AP1S3: variants seen among roughly 807,000 people sequenced by gnomAD.
AP1S3 encodes adaptor related protein complex 1 subunit sigma 3.
A neutral mutation model predicts 20.9 loss-of-function variants in AP1S3; 10 were observed. The observed-to-expected ratio is 0.48, with a 90% confidence interval of 0.29 to 0.81. AP1S3 has a LOEUF of 0.81. Among genes scored for constraint, AP1S3 ranks in the 30% least tolerant of loss-of-function variants. AP1S3 has a pLI of 0.08. For missense variants in AP1S3, 154 were observed against 183.8 expected (o/e 0.84, Z 0.94); for synonymous variants, 41 against 61.5 (o/e 0.67, Z 1.56).
chr2:223,788,977 T>G (rs1691141817), intron 1 of AP1S3, among the ~76,000 whole-genome samples: 1 of 152,122 alleles, frequency 6.6e-6, no homozygotes, highest in Admixed American at 6.5e-5. Context: ...AGAAAAGACC[T>G]TTAGGTACTA....
At chr2:223,785,009 A>T (rs952481791) in intron 1 of AP1S3, among the ~76,000 whole-genome samples, 1 of 152,192 alleles carries the variant, frequency 6.6e-6, no homozygotes, top group Non-Finnish European at 1.5e-5. Flanking sequence ...GATATTTACT[A>T]AATAGTTTCA....
In AP1S3 at chr2:223,824,851, C is replaced by A. The variant is rs116713292; in HGVS notation, c.3+12597G>T. Among the ~76,000 whole-genome samples the A allele has an allele frequency of 6.2e-3, 951 of 152,250 alleles. 7 individuals are homozygous for A. The highest frequency in any genetic ancestry group is 0.022 in the African/African-American group (902 of 41,556). ...CAACTGGCCTAAAAGGAAGGTATTA[C>A]TATTTTTTTAACTCTAACTTTTTTT... On this transcript the variant is annotated intron_variant, in intron 1 of 4. Coordinates refer to ENST00000396654, the MANE Select transcript of AP1S3 (RefSeq NM_001039569.2).
chr2:223,774,541 T>C lies in AP1S3; in HGVS notation c.291+1360A>G, dbSNP rs191115591. Among the ~76,000 whole-genome samples, 743 of 152,154 alleles carry C rather than the reference T, an allele frequency of 4.9e-3. 2 individuals carry two copies. The highest frequency in any genetic ancestry group is 8.3e-3 in the Non-Finnish European group (565 of 68,006). On this transcript the variant is annotated intron_variant, in intron 3 of 4. Coordinates refer to ENST00000396654, the MANE Select transcript of AP1S3 (RefSeq NM_001039569.2). ...TGGCTGTGAAGGAATGCCACACCTA[T>C]ATCTGGTTTTTTTAAGGAAGATGGT...
intron 1 of AP1S3, among the ~76,000 whole-genome samples, chr2:223,795,180 T>C (rs556422885): frequency 2.0e-5 from 3 of 151,914 alleles, no homozygotes; most frequent in South Asian, 4.2e-4. Flanking sequence ...ACCCAGGAGG[T>C]AGAGGTTGCG....
chr2:223,818,771 C>G (rs936941266), intron 1 of AP1S3, among the ~76,000 whole-genome samples: 1 of 152,136 alleles, frequency 6.6e-6, no homozygotes, highest in Admixed American at 6.5e-5. Flanking sequence ...CCAGGCTGGT[C>G]TCAAACTCCT....
chr2:223,809,988 A>C (rs1381721779), intron 1 of AP1S3, among the ~76,000 whole-genome samples: 5 of 151,806 alleles, frequency 3.3e-5, no homozygotes, highest in African/African-American at 1.2e-4. Context: ...CGGCCTCCCA[A>C]AGTGCTGGGA....
intron 1 of AP1S3, among the ~76,000 whole-genome samples, chr2:223,797,634 C>T (rs1429276942): frequency 6.6e-6 from 1 of 152,044 alleles, no homozygotes; most frequent in Non-Finnish European, 1.5e-5. Flanking sequence ...TGGTTATAGG[C>T]AGGTGCCTAC....
intron 1 of AP1S3, among the ~76,000 whole-genome samples, chr2:223,828,838 T>C (rs939653690): frequency 6.6e-6 from 1 of 151,986 alleles, no homozygotes; most frequent in African/African-American, 2.4e-5. Context: ...GGATCCTACA[T>C]TTTATTTTTA....
At chr2:223,817,532 C>T (rs1050927244) in intron 1 of AP1S3, among the ~76,000 whole-genome samples, 2 of 145,132 alleles carry the variant, frequency 1.4e-5, no homozygotes, top group African/African-American at 5.1e-5. Context: ...TGCTTGAACC[C>T]GGGAGGTGGA....
intron 1 of AP1S3, among the ~76,000 whole-genome samples, chr2:223,834,361 T>G (rs1483349735): frequency 6.6e-6 from 1 of 151,592 alleles, no homozygotes; most frequent in African/African-American, 2.4e-5. Context: ...GAGGACAAGG[T>G]GGGAATATTA....
intron 1 of AP1S3, among the ~76,000 whole-genome samples, chr2:223,806,852 G>A (rs922270214): frequency 6.6e-6 from 1 of 151,916 alleles, no homozygotes; most frequent in African/African-American, 2.4e-5. Context: ...ACATTGCAAT[G>A]GCTCTCCCAG....
intron 3 of AP1S3, among the ~76,000 whole-genome samples, chr2:223,773,942 G>C (rs10933016): frequency 0.051 from 7,791 of 152,286 alleles, 301 homozygotes; most frequent in East Asian, 0.17. Context: ...GTTAAGCGGT[G>C]GGGGGATAAA....
intron 1 of AP1S3, among the ~76,000 whole-genome samples, chr2:223,797,514 C>T (rs1208214342): frequency 1.3e-5 from 2 of 152,164 alleles, no homozygotes; most frequent in East Asian, 3.9e-4. Flanking sequence ...GTAATCCCAG[C>T]ACTTTGGGAG....
At chr2:223,817,501 G>A (rs141107934) in intron 1 of AP1S3, among the ~76,000 whole-genome samples, 2,202 of 149,482 alleles carry the variant, frequency 0.015, 71 homozygotes, top group African/African-American at 0.05. Flanking sequence ...CCAACTACTC[G>A]GGAGGCTGAG....
chr2:223,819,950 GTAACACTTGCTAGA>G (rs1691949493), intron 1 of AP1S3, among the ~76,000 whole-genome samples: 1 of 151,372 alleles, frequency 6.6e-6, no homozygotes, highest in Non-Finnish European at 1.5e-5. Flanking sequence ...AAATCTTAAT[GTAACACTTGCTAGA>G]TTTCGTGTGG....
intron 1 of AP1S3, among the ~76,000 whole-genome samples, chr2:223,830,478 CAAA>C (rs11359575): frequency 2.8e-4 from 32 of 116,142 alleles, no homozygotes; most frequent in Admixed American, 8.8e-4. Context: ...GACTCTCTCT[CAAA>C]AAAAAAAAAA....
At chr2:223,775,324 T>C (rs1690758570) in intron 3 of AP1S3, among the ~76,000 whole-genome samples, 1 of 152,224 alleles carries the variant, frequency 6.6e-6, no homozygotes, top group Non-Finnish European at 1.5e-5. Context: ...ATTTGGGTTT[T>C]TTGTTTGTTG....
At chr2:223,765,624 C>A (rs1210372226) in intron 3 of AP1S3, among the ~76,000 whole-genome samples, 4 of 152,196 alleles carry the variant, frequency 2.6e-5, no homozygotes, top group Non-Finnish European at 4.4e-5. Context: ...GGCCACTCGG[C>A]TCCTCTTCCT....
intron 1 of AP1S3, among the ~76,000 whole-genome samples, chr2:223,782,548 C>A (rs1343915081): frequency 6.6e-6 from 1 of 152,132 alleles, no homozygotes; most frequent in African/African-American, 2.4e-5. Context: ...AGTTGGTCTG[C>A]AGGTCAAACT....
Sources: gnomAD v4.1 joint callset for allele counts (sites outside exome capture counted in the v4.1 genomes callset) on GRCh38, gnomAD v4.1.1 for gene constraint, MANE v1.5 for transcripts, NCBI Gene and HGNC (gene_info 2026-07-23, HGNC 2026-07-21) for gene names.